MAP2K5: variants seen among roughly 807,000 people sequenced by gnomAD.
The protein encoded by MAP2K5 is mitogen-activated protein kinase kinase 5, also known as dual specificity mitogen-activated protein kinase kinase 5.
A neutral mutation model predicts 83.1 loss-of-function variants in MAP2K5; 49 were observed. The ratio of observed to expected loss-of-function variants is 0.59; its 90% CI spans 0.47 to 0.75. The LOEUF (loss-of-function observed/expected upper bound fraction) is 0.75. MAP2K5 is among the 30% of genes least tolerant of loss of function. MAP2K5 has a pLI of 0.00. For synonymous variants in MAP2K5, 202 were observed against 191.8 expected (o/e 1.05, Z -0.44); for missense variants, 457 against 557.5 (o/e 0.82, Z 1.82).
At chr15:67,591,161 A>G (rs141028376) in intron 6 of MAP2K5, among the ~76,000 whole-genome samples, 1 of 152,084 alleles carries the variant, frequency 6.6e-6, no homozygotes, top group East Asian at 2.0e-4. Flanking sequence ...CCTGGCCAAC[A>G]TGGTGAAACC....
chr15:67,700,296 A>G (rs2088383203), intron 15 of MAP2K5, among the ~76,000 whole-genome samples: 1 of 151,246 alleles, frequency 6.6e-6, no homozygotes, highest in Non-Finnish European at 1.5e-5. Context: ...GATCATCACT[A>G]CTCTTTACTG....
In MAP2K5 at chr15:67,748,147, C is replaced by A; in HGVS notation, c.1075-84C>A. On this transcript the variant is annotated intron_variant, in intron 17 of 21. Transcript: ENST00000178640. The surrounding 1 kb of genome is among the most constrained non-coding windows in gnomAD (Gnocchi z 4.0). ...TGCCCACAAATTGCCACCAGCAATG[C>A]AATAATTTTCTCTCAGTGATCATAA... is the stretch of plus-strand genomic sequence containing the variant. 1.1e-6 allele frequency: 1 copy of A among 936,642 alleles called. No individual in the cohort carries two copies. The highest frequency in any genetic ancestry group is 1.7e-6 in the Non-Finnish European group (1 of 585,200). 58.0% of individuals were successfully genotyped at this position (936,642 alleles called of 1,614,324 possible).
chr15:67,712,768 A>T (rs2088724149), intron 16 of MAP2K5, among the ~76,000 whole-genome samples: 6 of 152,206 alleles, frequency 3.9e-5, no homozygotes, highest in Admixed American at 3.9e-4. Context: ...AATACAAAAA[A>T]TTAGCTGGGT....
At position 67,676,307 on chromosome 15, in the gene MAP2K5, T is replaced by C. The variant is rs1178469585; in HGVS notation, c.847+11662T>C. 3.3e-5 allele frequency among the ~76,000 whole-genome samples: 5 copies of C among 152,234 alleles called. No individual in the cohort carries two copies. Among genetic ancestry groups the C allele is most frequent in the Non-Finnish European group, 7.3e-5 (5 of 68,036 alleles). ...CATTGATTGTATGCCAGTGGATATT[T>C]GTTGGATGAATACATTGAATCATAA... On this transcript the variant is annotated intron_variant, in intron 13 of 21. Transcript: ENST00000178640. The surrounding 1 kb of genome is among the most constrained non-coding windows in gnomAD (Gnocchi z 4.8).
chr15:67,773,881 G>A (rs1273818178), intron 21 of MAP2K5, among the ~76,000 whole-genome samples: 1 of 152,212 alleles, frequency 6.6e-6, no homozygotes, highest in Non-Finnish European at 1.5e-5. Flanking sequence ...AGGTTCTAGA[G>A]ATGGAGACCC....
intron 4 of MAP2K5, among the ~76,000 whole-genome samples, chr15:67,582,630 G>A (rs374724401): frequency 4.9e-4 from 74 of 152,048 alleles, no homozygotes; most frequent in African/African-American, 1.8e-3. Flanking sequence ...GACCAGCTTG[G>A]GCAACATGTC....
At position 67,559,232 on chromosome 15, in the gene MAP2K5, A is replaced by G. The variant is rs1186903771; in HGVS notation, c.185-4051A>G. ...TGGCACAGAAGGAGTGTGACAAATG[A>G]CATATAATATATTGCCTTAACTTTC... On this transcript the variant is annotated intron_variant, in intron 2 of 21. Coordinates refer to ENST00000178640, the MANE Select transcript of MAP2K5 (RefSeq NM_145160.3). This position sits in a 1 kb window ranked among gnomAD's most constrained non-coding sequence, Gnocchi z 4.7. Among the ~76,000 whole-genome samples, 1 of 152,196 alleles carries G rather than the reference A, an allele frequency of 6.6e-6. No homozygotes were observed. Among genetic ancestry groups the G allele is most frequent in the African/African-American group, 2.4e-5 (1 of 41,458 alleles).
intron 8 of MAP2K5, among the ~76,000 whole-genome samples, chr15:67,606,725 C>T (rs551222667): frequency 6.6e-6 from 1 of 152,250 alleles, no homozygotes; most frequent in African/African-American, 2.4e-5. Context: ...ATCATATTAG[C>T]TCATTATAGT....
rs1381529901 is a variant in MAP2K5 at position 67,592,931 on chromosome 15, A to G, written c.437A>G (p.Lys146Arg). ...VSDSLPSNSLKKSSAELKKIL... is the reference protein window; with the variant it reads ...VSDSLPSNSLRKSSAELKKIL... The stretch of plus-strand genomic sequence containing the variant: ...AAATTATCTTTCCTTTTCAGCTTAA[A>G]GAAGTCTTCTGCTGAACTGAAAAAA... Residue 146 changes from lysine to arginine, a missense_variant, in exon 7 of 22, where the codon AAG becomes AGG. Physicochemically the swap from Lys to Arg is conservative, Grantham distance 26 (BLOSUM62 2). Transcript: ENST00000178640. 1 of 1,608,488 alleles carries G rather than the reference A, an allele frequency of 6.2e-7. No homozygotes were observed. The highest frequency in any genetic ancestry group is 1.7e-5 in the Admixed American group (1 of 59,740).
intron 2 of MAP2K5, among the ~76,000 whole-genome samples, chr15:67,560,594 T>G (rs977596684): frequency 2.6e-5 from 4 of 152,262 alleles, no homozygotes; most frequent in African/African-American, 9.6e-5. Flanking sequence ...TTCCAACATT[T>G]TATCACTGGG....
At chr15:67,617,839 T>C (rs897680528) in intron 8 of MAP2K5, among the ~76,000 whole-genome samples, 5 of 152,104 alleles carry the variant, frequency 3.3e-5, no homozygotes, top group Non-Finnish European at 7.4e-5. Flanking sequence ...CACAGGCATG[T>C]GCCACCATGC....
intron 19 of MAP2K5, among the ~76,000 whole-genome samples, chr15:67,756,764 A>G (rs1486111696): frequency 6.6e-6 from 1 of 152,048 alleles, no homozygotes; most frequent in Non-Finnish European, 1.5e-5. Flanking sequence ...TAGATTCTAC[A>G]TATTAAGTGA....
At chr15:67,716,996 G>T (rs570441107) in intron 16 of MAP2K5, among the ~76,000 whole-genome samples, 4 of 152,140 alleles carry the variant, frequency 2.6e-5, no homozygotes, top group African/African-American at 9.7e-5. Flanking sequence ...TTTCTAGAAA[G>T]GTTAAGTGAA....
rs750251272 is a variant in MAP2K5, at chr15:67,775,397, C to A, written c.1242+2645C>A. On this transcript the variant is annotated intron_variant, in intron 21 of 21. Coordinates refer to ENST00000178640, the MANE Select transcript of MAP2K5 (RefSeq NM_145160.3). The surrounding 1 kb of genome is among the most constrained non-coding windows in gnomAD (Gnocchi z 5.3). ...CTTACATTTTGGGGAGGCCAGGATA[C>A]GTTTCAGCTGCTGTGGTTTTCTGGC... is the stretch of plus-strand genomic sequence containing the variant. 5.9e-5 allele frequency among the ~76,000 whole-genome samples: 9 copies of A among 152,190 alleles called. No homozygotes were observed. Among genetic ancestry groups the A allele is most frequent in the Non-Finnish European group, 1.3e-4 (9 of 68,034 alleles).
In MAP2K5 at chr15:67,790,212, C is replaced by T. The variant is rs975935010; in HGVS notation, c.1243-16434C>T. Among the ~76,000 whole-genome samples the T allele has an allele frequency of 6.6e-6, 1 of 152,182 alleles. No homozygotes were observed. The highest frequency in any genetic ancestry group is 2.4e-5 in the African/African-American group (1 of 41,454). ...ATTTATTTTTTCTATTTGTTTTAAGCCTGGGAAGACTGTGTGGTTTTCTCA... is the reference window on the plus strand; with the variant it reads ...ATTTATTTTTTCTATTTGTTTTAAGTCTGGGAAGACTGTGTGGTTTTCTCA... On this transcript the variant is annotated intron_variant, in intron 21 of 21. Transcript: ENST00000178640. The surrounding 1 kb of genome is among the most constrained non-coding windows in gnomAD (Gnocchi z 4.6).
chr15:67,720,586 G>T lies in MAP2K5; in HGVS notation c.1045-7330G>T, dbSNP rs564860428. Among the ~76,000 whole-genome samples the T allele has an allele frequency of 4.6e-5, 7 of 152,232 alleles. No homozygotes were observed. In the South Asian group the frequency reaches 1.5e-3, roughly 32 times the overall value. ...CTGTAGCAGTAGTTTGGTAGCAGGA[G>T]AATTAGACGTAAAGGTACTAATGCC... On this transcript the variant is annotated intron_variant, in intron 16 of 21. Transcript: ENST00000178640. This position sits in a 1 kb window ranked among gnomAD's most constrained non-coding sequence, Gnocchi z 5.7.
intron 21 of MAP2K5, among the ~76,000 whole-genome samples, chr15:67,788,007 C>T (rs2090447869): frequency 6.6e-6 from 1 of 152,164 alleles, no homozygotes; most frequent in Non-Finnish European, 1.5e-5. Flanking sequence ...AAACAGTAAA[C>T]TTTGTTGGCA....
rs1272129811 is a variant in MAP2K5 at position 67,577,367 on chromosome 15, CAG to C, written c.253-3386_253-3385del. On this transcript the variant is annotated intron_variant, in intron 3 of 21. Coordinates refer to ENST00000178640, the MANE Select transcript of MAP2K5 (RefSeq NM_145160.3). This position sits in a 1 kb window ranked among gnomAD's most constrained non-coding sequence, Gnocchi z 4.1. ...ACTTAGAATTCAACCCCATTTCAAT[CAG>C]TAAATGTTTATTAAACACCTACTAT... Among the ~76,000 whole-genome samples, 2 of 152,208 alleles carry C rather than the reference CAG, an allele frequency of 1.3e-5. No homozygotes were observed. Among genetic ancestry groups the C allele is most frequent in the Non-Finnish European group, 2.9e-5 (2 of 68,036 alleles).
At chr15:67,551,531 CTA>C (rs1157408323) in intron 2 of MAP2K5, among the ~76,000 whole-genome samples, 3 of 152,062 alleles carry the variant, frequency 2.0e-5, no homozygotes, top group Non-Finnish European at 4.4e-5. Context: ...TGGGGTCTTG[CTA>C]TGTTGTCCAG....
Sources: allele counts gnomAD v4.1 joint callset (sites outside exome capture counted in the v4.1 genomes callset), GRCh38; gene constraint gnomAD v4.1.1; non-coding constraint Gnocchi (gnomAD v3.1); transcripts MANE v1.5; gene names NCBI Gene and HGNC (gene_info 2026-07-23, HGNC 2026-07-21).